TMEM232: variants seen among roughly 807,000 people sequenced by gnomAD.
TMEM232 encodes the protein transmembrane protein 232.
Under a neutral mutation model 78.8 loss-of-function variants are expected in TMEM232, and 80 were observed. That is an observed-to-expected ratio of 1.01 (90% CI 0.85 to 1.22). The LOEUF (loss-of-function observed/expected upper bound fraction) is 1.22. Ranked by LOEUF, TMEM232 falls within the 50% of genes most tolerant of loss-of-function variation. The pLI, the probability that TMEM232 is intolerant of heterozygous loss-of-function variation, is 0.00. For missense variants in TMEM232, 881 were observed against 742.2 expected (o/e 1.19, Z -2.17); for synonymous variants, 297 against 254.3 (o/e 1.17, Z -1.60).
Position 110,528,953 on chromosome 5 carries a change from C to G in TMEM232, c.1456-118G>C, listed in dbSNP as rs1003574732. On this transcript the variant is annotated intron_variant, in intron 11 of 13. Coordinates refer to ENST00000455884, the MANE Select transcript of TMEM232 (RefSeq NM_001039763.4). ...TTTCTTTGACTAATATTGCATTTTTCCTGTTAAGTAAAAATAATCTTTATA... is the reference window on the plus strand; with the variant it reads ...TTTCTTTGACTAATATTGCATTTTTGCTGTTAAGTAAAAATAATCTTTATA... 20 of 969,124 alleles carry G rather than the reference C, an allele frequency of 2.1e-5. No homozygotes were observed. The Admixed American group carries it at 2.6e-4, about 13-fold the overall frequency. 60.0% of individuals were successfully genotyped at this position (969,124 alleles called of 1,614,324 possible).
intron 12 of TMEM232, among the ~76,000 whole-genome samples, chr5:110,476,916 G>T (rs1327807247): frequency 3.9e-5 from 6 of 151,962 alleles, no homozygotes. Flanking sequence ...AACAGACAGA[G>T]GATGATAACG....
intron 1 of TMEM232, among the ~76,000 whole-genome samples, chr5:110,704,002 G>C (rs1415827728): frequency 1.3e-5 from 2 of 152,182 alleles, no homozygotes; most frequent in African/African-American, 4.8e-5. Flanking sequence ...GATGAGACTG[G>C]ATAGAGGATT....
intron 10 of TMEM232, among the ~76,000 whole-genome samples, chr5:110,584,409 A>C (rs993752385): frequency 5.9e-5 from 9 of 152,232 alleles, no homozygotes; most frequent in Non-Finnish European, 1.2e-4. Flanking sequence ...CAGAAGGGTA[A>C]CTACTACATG....
At chr5:110,530,803 C>T (rs1437586534) in intron 11 of TMEM232, among the ~76,000 whole-genome samples, 2 of 152,130 alleles carry the variant, frequency 1.3e-5, no homozygotes, top group East Asian at 1.9e-4. Context: ...AACATGGTGA[C>T]TGTAGTTAAT....
intron 12 of TMEM232, among the ~76,000 whole-genome samples, chr5:110,440,018 A>T (rs1161981859): frequency 1.3e-5 from 2 of 152,192 alleles, no homozygotes; most frequent in East Asian, 3.9e-4. Flanking sequence ...CAAATGACAC[A>T]GTAAAATTTT....
chr5:110,675,797 T>C (rs1791955778), intron 1 of TMEM232, among the ~76,000 whole-genome samples: 1 of 152,180 alleles, frequency 6.6e-6, no homozygotes. Context: ...GTGAGAAAAT[T>C]TAAGGTCAAC....
At chr5:110,626,334 T>A (rs186023731) in intron 6 of TMEM232, among the ~76,000 whole-genome samples, 3 of 152,120 alleles carry the variant, frequency 2.0e-5, no homozygotes, top group Admixed American at 6.6e-5. Flanking sequence ...AGTTAAGAAG[T>A]AGTTCTATAA....
intron 1 of TMEM232, chr5:110,725,706 C>T (rs1249730466): frequency 6.6e-6 from 1 of 152,196 alleles, no homozygotes; most frequent in Non-Finnish European, 1.5e-5. Flanking sequence ...GGCAGTTCAT[C>T]TGCAACCTGG....
chr5:110,722,602 G>C (rs914899027), intron 1 of TMEM232, among the ~76,000 whole-genome samples: 4 of 152,142 alleles, frequency 2.6e-5, no homozygotes, highest in Non-Finnish European at 4.4e-5. Flanking sequence ...AACAATCCAA[G>C]AAACCAAGAT....
At chr5:110,676,683 G>C (rs1023718417) in intron 1 of TMEM232, among the ~76,000 whole-genome samples, 1 of 151,770 alleles carries the variant, frequency 6.6e-6, no homozygotes, top group African/African-American at 2.4e-5. Flanking sequence ...TGCAGCCTCT[G>C]AAAGTGCTAG....
chr5:110,677,223 AT>A (rs1022906715), intron 1 of TMEM232, among the ~76,000 whole-genome samples: 6 of 149,550 alleles, frequency 4.0e-5, no homozygotes, highest in African/African-American at 1.2e-4. Flanking sequence ...TTCTATGTTC[AT>A]TTTTTTTAAT....
intron 1 of TMEM232, among the ~76,000 whole-genome samples, chr5:110,689,038 G>A (rs1017472688): frequency 6.6e-6 from 1 of 152,096 alleles, no homozygotes; most frequent in African/African-American, 2.4e-5. Flanking sequence ...TGTGAAAACT[G>A]TATGCTTCTC....
chr5:110,483,170 G>A (rs755494920), intron 12 of TMEM232, among the ~76,000 whole-genome samples: 30 of 152,126 alleles, frequency 2.0e-4, no homozygotes, highest in African/African-American at 7.2e-4. Flanking sequence ...GCACAGTAGA[G>A]TAGGGAGCAA....
chr5:110,505,562 A>T (rs1372665045), intron 12 of TMEM232, among the ~76,000 whole-genome samples: 6 of 152,270 alleles, frequency 3.9e-5, no homozygotes, highest in Non-Finnish European at 1.5e-5. Flanking sequence ...GCTGAAATGC[A>T]GTGGCATGAT....
intron 12 of TMEM232, among the ~76,000 whole-genome samples, chr5:110,524,047 G>A (rs1379302558): frequency 2.7e-5 from 4 of 149,982 alleles, no homozygotes; most frequent in Non-Finnish European, 4.4e-5. Flanking sequence ...GGTGGATCAC[G>A]AGTTCAGGAG....
chr5:110,461,337 C>A (rs1761506399), intron 12 of TMEM232, among the ~76,000 whole-genome samples: 1 of 152,062 alleles, frequency 6.6e-6, no homozygotes, highest in South Asian at 2.1e-4. Context: ...AAAGCCTAAT[C>A]CAGAGCAAGG....
At chr5:110,655,857 GA>G (rs972176683) in intron 2 of TMEM232, among the ~76,000 whole-genome samples, 41 of 140,908 alleles carry the variant, frequency 2.9e-4, no homozygotes, top group African/African-American at 1.0e-3. Flanking sequence ...ATGGAACAAT[GA>G]GAACACATGG....
At chr5:110,643,719 T>C (rs2150027606) in intron 2 of TMEM232, among the ~76,000 whole-genome samples, 1 of 152,060 alleles carries the variant, frequency 6.6e-6, no homozygotes, top group Non-Finnish European at 1.5e-5. Flanking sequence ...CTCTGTGAGA[T>C]AAATAAAAAA....
At chr5:110,488,580 C>T (rs751721189) in intron 12 of TMEM232, among the ~76,000 whole-genome samples, 1 of 151,880 alleles carries the variant, frequency 6.6e-6, no homozygotes, top group African/African-American at 2.4e-5. Flanking sequence ...TATTTGCTAA[C>T]CCTTGGAAGA....
Sources: gnomAD v4.1 joint callset for allele counts (sites outside exome capture counted in the v4.1 genomes callset) on GRCh38, gnomAD v4.1.1 for gene constraint, MANE v1.5 for transcripts, NCBI Gene and HGNC (gene_info 2026-07-23, HGNC 2026-07-21) for gene names.